UNC13C: variants seen among roughly 807,000 people sequenced by gnomAD.
UNC13C encodes unc-13 homolog C, also known as protein unc-13 homolog C.
Under a neutral mutation model 245.4 loss-of-function variants are expected in UNC13C, and 174 were observed. That is an observed-to-expected ratio of 0.71 (90% CI 0.63 to 0.80). The LOEUF is 0.80. Ranked by LOEUF, UNC13C falls within the 30% of genes least tolerant of loss-of-function variation. UNC13C has a pLI of 0.00. For missense variants in UNC13C, 2,829 were observed against 2,602.9 expected (o/e 1.09, Z -1.89); for synonymous variants, 992 against 895.1 (o/e 1.11, Z -1.93).
chr15:53,994,577 C>T (rs1894533888), intron 1 of UNC13C, among the ~76,000 whole-genome samples: 1 of 151,768 alleles, frequency 6.6e-6, no homozygotes, highest in Admixed American at 6.6e-5. Context: ...ATTCTGTAAG[C>T]ATCTATGTTC....
At chr15:54,482,945 TATTA>T (rs1387432543) in intron 19 of UNC13C, among the ~76,000 whole-genome samples, 1 of 152,224 alleles carries the variant, frequency 6.6e-6, no homozygotes, top group African/African-American at 2.4e-5. Context: ...TATTAATTGT[TATTA>T]ATTTATAAAA....
In UNC13C at chr15:54,238,980, C is replaced by A. The variant is rs575289796; in HGVS notation, c.3228+1290C>A. Among the ~76,000 whole-genome samples, 4 of 152,238 alleles carry A rather than the reference C, an allele frequency of 2.6e-5. No homozygotes were observed. In the South Asian group the frequency reaches 8.3e-4, roughly 32 times the overall value. Reference sequence around the variant, plus strand: ...GTGAAAGCGATTTTTAAAAAAAATTCTTGTGTTTGGTGCCTGGCATGTTCT... The same window carrying A: ...GTGAAAGCGATTTTTAAAAAAAATTATTGTGTTTGGTGCCTGGCATGTTCT... On this transcript the variant is annotated intron_variant, in intron 7 of 32. Transcript: ENST00000260323.
At chr15:53,930,720 T>A in the UNC13C span, among the ~76,000 whole-genome samples, 2 of 152,214 alleles carry the variant, frequency 1.3e-5, no homozygotes, top group Non-Finnish European at 2.9e-5. Context: ...CATTATAATA[T>A]ACAAAATTTA....
In UNC13C at chr15:54,186,836, A is replaced by AATATATATATATATATAT. The variant is rs372623344; in HGVS notation, c.3071+43160_3071+43161insATATATATATATATATAT. ...GTCCACTGACACATACAAAGAACAT[A>AATATATATATATATATAT]ATATATATGTATATATATATTTTGT... On this transcript the variant is annotated intron_variant, in intron 4 of 32. Coordinates refer to ENST00000260323, the MANE Select transcript of UNC13C (RefSeq NM_001080534.3). Among the ~76,000 whole-genome samples, 93 of 126,166 alleles carry AATATATATATATATATAT rather than the reference A, an allele frequency of 7.4e-4. 5 individuals are homozygous for AATATATATATATATATAT. The highest frequency in any genetic ancestry group is 1.2e-3 in the Non-Finnish European group (69 of 59,610). 82.8% of individuals were successfully genotyped at this position (126,166 alleles called of 152,430 possible).
chr15:53,889,699 A>G, the UNC13C span, among the ~76,000 whole-genome samples: 1 of 152,222 alleles, frequency 6.6e-6, no homozygotes, highest in Non-Finnish European at 1.5e-5. Flanking sequence ...TTTGTCATAA[A>G]TAACTCTTAT....
chr15:54,089,404 G>A (rs1899434018), intron 2 of UNC13C, among the ~76,000 whole-genome samples: 1 of 152,132 alleles, frequency 6.6e-6, no homozygotes. Context: ...GCTTGAGATG[G>A]AACAGAATGG....
chr15:54,528,506 T>G (rs930668871), intron 25 of UNC13C, among the ~76,000 whole-genome samples: 1 of 152,128 alleles, frequency 6.6e-6, no homozygotes, highest in Non-Finnish European at 1.5e-5. Flanking sequence ...AGGCTTTTTT[T>G]AAACCTTTTC....
Position 54,627,827 on chromosome 15 carries a change from T to C in UNC13C, c.*714T>C, listed in dbSNP as rs888550855. ...TAAAAATGGTAAGTTAATGCATTTG[T>C]CATATAGTGTTATGTCTTGGCTTTA... is the stretch of plus-strand genomic sequence containing the variant. On this transcript the variant is annotated 3_prime_UTR_variant, in exon 33 of 33. Coordinates refer to ENST00000260323, the MANE Select transcript of UNC13C (RefSeq NM_001080534.3). 1 of 152,566 alleles carries C rather than the reference T, an allele frequency of 6.6e-6. No individual in the cohort carries two copies. The highest frequency in any genetic ancestry group is 2.4e-5 in the African/African-American group (1 of 41,426). 9.5% of individuals were successfully genotyped at this position (152,566 alleles called of 1,614,324 possible). A position where few individuals can be genotyped will look rare whatever the true frequency, so the allele number is the denominator to read the frequency against.
At chr15:54,018,751 A>G (rs1482329990) in intron 2 of UNC13C, among the ~76,000 whole-genome samples, 1 of 151,844 alleles carries the variant, frequency 6.6e-6, no homozygotes, top group African/African-American at 2.4e-5. Context: ...TATCACACTG[A>G]CTCTCATATT....
chr15:53,965,967 T>C, the UNC13C span, among the ~76,000 whole-genome samples: 14 of 152,294 alleles, frequency 9.2e-5, no homozygotes, highest in Non-Finnish European at 2.1e-4. Context: ...AGTCTATCAT[T>C]GTTGGACATT....
chr15:54,323,062 C>A (rs915295427), intron 14 of UNC13C, among the ~76,000 whole-genome samples: 2 of 149,996 alleles, frequency 1.3e-5, no homozygotes, highest in African/African-American at 4.9e-5. Context: ...GATGATTTTT[C>A]ATGGCACAAT....
intron 18 of UNC13C, among the ~76,000 whole-genome samples, chr15:54,401,652 A>G (rs2040187382): frequency 6.6e-6 from 1 of 152,144 alleles, no homozygotes; most frequent in African/African-American, 2.4e-5. Context: ...AGTGGAGGGA[A>G]AGGATACTTG....
At chr15:54,301,289 G>GTTTTTTTTTTTTTT (rs10548904) in intron 13 of UNC13C, among the ~76,000 whole-genome samples, 2 of 140,362 alleles carry the variant, frequency 1.4e-5, no homozygotes, top group Admixed American at 7.0e-5. Context: ...ATTTTCTTTT[G>GTTTTTTTTTTTTTT]TTTTTTTTTT....
chr15:54,497,842 A>G (rs920525699), intron 20 of UNC13C, among the ~76,000 whole-genome samples: 1 of 152,146 alleles, frequency 6.6e-6, no homozygotes, highest in African/African-American at 2.4e-5. Flanking sequence ...CTAGGCTTTC[A>G]GGTGAGATTT....
At chr15:54,474,540 T>A (rs2141048955) in intron 19 of UNC13C, among the ~76,000 whole-genome samples, 1 of 152,170 alleles carries the variant, frequency 6.6e-6, no homozygotes, top group East Asian at 1.9e-4. Context: ...GTTTGTTTGT[T>A]TTGTTTTGCT....
At chr15:54,071,948 G>T (rs1421714786) in intron 2 of UNC13C, among the ~76,000 whole-genome samples, 1 of 152,120 alleles carries the variant, frequency 6.6e-6, no homozygotes, top group Non-Finnish European at 1.5e-5. Context: ...TTGCCCTTCT[G>T]CTTCCTTGTC....
At chr15:53,870,264 A>G in the UNC13C span, among the ~76,000 whole-genome samples, 1 of 152,118 alleles carries the variant, frequency 6.6e-6, no homozygotes, top group Non-Finnish European at 1.5e-5. Context: ...AATTTTTTCT[A>G]TTTTTCTCCT....
intron 2 of UNC13C, among the ~76,000 whole-genome samples, chr15:54,034,602 A>G (rs964149571): frequency 6.6e-6 from 1 of 152,202 alleles, no homozygotes; most frequent in Admixed American, 6.5e-5. Flanking sequence ...TAAGAATACA[A>G]TGATGTGAAA....
At chr15:53,930,074 C>T in the UNC13C span, among the ~76,000 whole-genome samples, 1 of 152,158 alleles carries the variant, frequency 6.6e-6, no homozygotes, top group African/African-American at 2.4e-5. Context: ...GACCTGGTAA[C>T]TGGGCTGGAA....
Sources: allele counts gnomAD v4.1 joint callset (sites outside exome capture counted in the v4.1 genomes callset), GRCh38; gene constraint gnomAD v4.1.1; transcripts MANE v1.5; gene names NCBI Gene and HGNC (gene_info 2026-07-23, HGNC 2026-07-21).